The following GPC6 variants were observed in gnomAD, a reference collection of about 807,000 sequenced individuals.
The protein encoded by GPC6 is glypican-6.
A neutral mutation model predicts 55.2 loss-of-function variants in GPC6; 14 were observed. The ratio of observed to expected loss-of-function variants is 0.25; its 90% CI spans 0.17 to 0.40. The LOEUF (loss-of-function observed/expected upper bound fraction) is 0.40, where lower values mean the gene tolerates loss of function less well. Among genes scored for constraint, GPC6 ranks in the 10% least tolerant of loss-of-function variants. The pLI is 1.00. For missense variants in GPC6, 641 were observed against 708.5 expected, an observed-to-expected ratio of 0.90 and a Z score of 1.08; for synonymous variants, 278 against 259.6, an observed-to-expected ratio of 1.07 and a Z score of -0.68.
chr13:93,475,832 G>T (rs190733441), intron 1 of GPC6, among the ~76,000 whole-genome samples: 1 of 152,040 alleles, frequency 6.6e-6, no homozygotes, highest in Non-Finnish European at 1.5e-5. Context: ...AAAATAGAGG[G>T]TGCTTTTTAA....
chr13:93,293,784 A>G (rs1335423192), intron 1 of GPC6, among the ~76,000 whole-genome samples: 3 of 152,018 alleles, frequency 2.0e-5, no homozygotes, highest in African/African-American at 7.3e-5. Flanking sequence ...ATTAGTACAC[A>G]GAGTTCTGGT....
At chr13:94,095,579 T>G (rs1167428622) in intron 4 of GPC6, among the ~76,000 whole-genome samples, 1 of 152,232 alleles carries the variant, frequency 6.6e-6, no homozygotes, top group African/African-American at 2.4e-5. Context: ...TATTTGAATT[T>G]GGACCAGCCA....
At chr13:94,010,180 G>A (rs779502962) in intron 3 of GPC6, among the ~76,000 whole-genome samples, 13 of 152,150 alleles carry the variant, frequency 8.5e-5, no homozygotes, top group African/African-American at 1.9e-4. Context: ...AAGTCTGGGG[G>A]AAAAAATGTT....
chr13:93,686,460 C>G (rs1227764972), intron 2 of GPC6, among the ~76,000 whole-genome samples: 2 of 152,086 alleles, frequency 1.3e-5, no homozygotes, highest in African/African-American at 4.8e-5. Flanking sequence ...TGCATGAGGC[C>G]TGCTGGAGGC....
intron 2 of GPC6, among the ~76,000 whole-genome samples, chr13:93,585,636 AG>A (rs2139497184): frequency 6.6e-6 from 1 of 152,340 alleles, no homozygotes; most frequent in East Asian, 1.9e-4. Flanking sequence ...GAAATTTTGA[AG>A]GCCTTGAATT....
chr13:94,347,498 A>G (rs940261890), intron 6 of GPC6, among the ~76,000 whole-genome samples: 1 of 152,206 alleles, frequency 6.6e-6, no homozygotes, highest in African/African-American at 2.4e-5. Context: ...GCCAAATATC[A>G]TGACTAATAA....
chr13:93,834,856 A>T (rs968950127), intron 3 of GPC6, among the ~76,000 whole-genome samples: 3 of 152,166 alleles, frequency 2.0e-5, no homozygotes, highest in Admixed American at 2.0e-4. Context: ...GAAGAAAAAA[A>T]TAAATTTTGA....
At chr13:94,077,273 C>G (rs1018838248) in intron 4 of GPC6, among the ~76,000 whole-genome samples, 5 of 151,682 alleles carry the variant, frequency 3.3e-5, no homozygotes, top group African/African-American at 1.2e-4. Flanking sequence ...AATGTTTCTT[C>G]AGATAGCTCA....
At chr13:93,814,255 C>T (rs7331637) in intron 2 of GPC6, among the ~76,000 whole-genome samples, 57,922 of 152,008 alleles carry the variant, frequency 0.38, 11,920 homozygotes, top group African/African-American at 0.53. Flanking sequence ...ACAAATATTA[C>T]TTGACATATT....
At chr13:93,333,543 T>G (rs1879931785) in intron 1 of GPC6, among the ~76,000 whole-genome samples, 1 of 151,398 alleles carries the variant, frequency 6.6e-6, no homozygotes, top group Admixed American at 6.6e-5. Context: ...TTTTTTTTTT[T>G]TTTTTTTGAG....
intron 2 of GPC6, among the ~76,000 whole-genome samples, chr13:93,723,148 T>G (rs1566504310): frequency 6.6e-6 from 1 of 152,002 alleles, no homozygotes; most frequent in Non-Finnish European, 1.5e-5. Flanking sequence ...GATGCTTTAC[T>G]TTTTAAAATC....
chr13:94,255,336 A>G (rs932292763), intron 4 of GPC6, among the ~76,000 whole-genome samples: 1 of 152,210 alleles, frequency 6.6e-6, no homozygotes. Flanking sequence ...CATTAAAAAT[A>G]CCGACCTCTT....
intron 3 of GPC6, among the ~76,000 whole-genome samples, chr13:94,010,191 G>T (rs1467873034): frequency 1.3e-5 from 2 of 152,032 alleles, no homozygotes; most frequent in Non-Finnish European, 2.9e-5. Flanking sequence ...AAAAAATGTT[G>T]AAAAAGTAAA....
chr13:93,892,502 G>A (rs1875750492), intron 3 of GPC6, among the ~76,000 whole-genome samples: 1 of 152,122 alleles, frequency 6.6e-6, no homozygotes. Context: ...TTCTGTAAAT[G>A]CTTGTTTGAC....
intron 2 of GPC6, among the ~76,000 whole-genome samples, chr13:93,702,711 C>A (rs929113472): frequency 1.3e-5 from 2 of 151,964 alleles, no homozygotes; most frequent in Admixed American, 6.6e-5. Flanking sequence ...CACTTGCTGC[C>A]CCAGCTTGAA....
chr13:93,851,517 A>G (rs1010813177), intron 3 of GPC6, among the ~76,000 whole-genome samples: 2 of 151,890 alleles, frequency 1.3e-5, no homozygotes, highest in Admixed American at 1.3e-4. Flanking sequence ...GTGTTCAGGA[A>G]TCAAGATTTG....
intron 3 of GPC6, among the ~76,000 whole-genome samples, chr13:93,860,235 G>T (rs1206323507): frequency 1.3e-5 from 2 of 151,516 alleles, no homozygotes; most frequent in Non-Finnish European, 3.0e-5. Context: ...TTTTGTGCTT[G>T]GTGTGTGTGG....
rs144042803 is a variant in GPC6, at chr13:93,506,386, T to G, written c.161-38877T>G. 5.3e-5 allele frequency among the ~76,000 whole-genome samples: 8 copies of G among 152,326 alleles called. No individual in the cohort carries two copies. In the East Asian group the frequency reaches 1.5e-3, roughly 29 times the overall value. On this transcript the variant is annotated intron_variant, in intron 1 of 8. Transcript: ENST00000377047. ...CGTGCTTTATTCCAGTAAGAAAAAC[T>G]GAGAGTTCACTAACTTGGTAGCTAT...
chr13:93,306,885 T>C (rs1878874711), intron 1 of GPC6, among the ~76,000 whole-genome samples: 1 of 152,180 alleles, frequency 6.6e-6, no homozygotes, highest in Non-Finnish European at 1.5e-5. Flanking sequence ...TAAATACGCA[T>C]GTCCCCTAGC....
Sources: gnomAD v4.1 joint callset for allele counts (sites outside exome capture counted in the v4.1 genomes callset) on GRCh38, gnomAD v4.1.1 for gene constraint, MANE v1.5 for transcripts, NCBI Gene and HGNC (gene_info 2026-07-23, HGNC 2026-07-21) for gene names.